Variants in TTYH1 observed in about 807,000 individuals in gnomAD.
The protein encoded by TTYH1 is tweety family member 1.
A neutral mutation model predicts 61.2 loss-of-function variants in TTYH1; 33 were observed. That is an observed-to-expected ratio of 0.54 (90% CI 0.41 to 0.72). The LOEUF is 0.72. Ranked by LOEUF, TTYH1 falls within the 30% of genes least tolerant of loss-of-function variation. The pLI is 0.00. For missense variants in TTYH1, 538 were observed against 575.8 expected, an observed-to-expected ratio of 0.93 and a Z score of 0.67; for synonymous variants, 308 against 266.4, an observed-to-expected ratio of 1.16 and a Z score of -1.52.
rs1179807800 is a variant in TTYH1 at position 54,431,110 on chromosome 19, G to A, written c.1044G>A (p.Leu348=). The A allele has an allele frequency of 6.2e-7, 1 of 1,613,630 alleles. No individual in the cohort carries two copies. Residue 348 remains leucine (L), a synonymous_variant, in exon 10 of 14, where the codon CTG becomes CTA. Coordinates refer to ENST00000376530, the MANE Select transcript of TTYH1 (RefSeq NM_020659.4). ...PQFPSAQKPL[L]SLEETLNVTE... The stretch of plus-strand genomic sequence containing the variant: ...TCCTCGCCCCGCAGAAGCCTCTGCT[G>A]TCCTTGGAGGAGACTCTGAATGTGA...
At position 54,425,755 on chromosome 19, in the gene TTYH1, G is replaced by A. The variant is rs184584201; in HGVS notation, c.639-918G>A. 2.2e-4 allele frequency among the ~76,000 whole-genome samples: 33 copies of A among 151,146 alleles called. No homozygotes were observed. In the East Asian group the frequency reaches 3.9e-3, roughly 18 times the overall value. On this transcript the variant is annotated intron_variant, in intron 4 of 13. Coordinates refer to ENST00000376530, the MANE Select transcript of TTYH1 (RefSeq NM_020659.4). ...TTTGAGACTAAGTCTCACTCTTGTCGCCCAGGCTGGAGTGCAGTGGTGCAA... is the reference window on the plus strand; with the variant it reads ...TTTGAGACTAAGTCTCACTCTTGTCACCCAGGCTGGAGTGCAGTGGTGCAA...
Position 54,429,819 on chromosome 19 carries a change from G to T in TTYH1, c.808-63G>T. 14 of 1,442,622 alleles carry T rather than the reference G, an allele frequency of 9.7e-6. No homozygotes were observed. The highest frequency in any genetic ancestry group is 1.4e-5 in the Non-Finnish European group (14 of 1,029,992). The allele number at this position is 1,442,622 out of a possible 1,614,324, so 89.4% of individuals were successfully genotyped here. On this transcript the variant is annotated intron_variant, in intron 6 of 13. Transcript: ENST00000376530. This position sits in a 1 kb window ranked among gnomAD's most constrained non-coding sequence, Gnocchi z 5.1. ...GGAGCTGGGGAGCCAGGCACTGGGT[G>T]CTGTGGGAGTGTGGAATCGGGGCAG... is the stretch of plus-strand genomic sequence containing the variant.
chr19:54,415,669 A>G lies in TTYH1; in HGVS notation c.117A>G (p.Glu39=). 6.4e-7 allele frequency: 1 copy of G among 1,560,390 alleles called. No individual in the cohort carries two copies. Among genetic ancestry groups the G allele is most frequent in the Non-Finnish European group, 8.6e-7 (1 of 1,160,946 alleles). ...VPSVFAPQEQ[E]YQQALLLVAA... is the part of the protein sequence containing the mutation. ...GCGTTTTCGCGCCCCAAGAGCAGGA[A>G]TACCAGCAGGTGGGACCGGGCGCCA... Residue 39 remains glutamate, a synonymous_variant, in exon 1 of 14, where the codon GAA becomes GAG. Coordinates refer to ENST00000376530, the MANE Select transcript of TTYH1 (RefSeq NM_020659.4). This position sits in a 1 kb window ranked among gnomAD's most constrained non-coding sequence, Gnocchi z 5.2.
chr19:54,420,344 G>A lies in TTYH1; in HGVS notation c.306-933G>A, dbSNP rs1215240135. Among the ~76,000 whole-genome samples, 1 of 152,196 alleles carries A rather than the reference G, an allele frequency of 6.6e-6. No individual in the cohort carries two copies. Among genetic ancestry groups the A allele is most frequent in the African/African-American group, 2.4e-5 (1 of 41,454 alleles). ...CTCCTCCGGCTCTCTGGCGTGGGGG[G>A]AGACAGGGGAGGTGGACAAAGGCCC... On this transcript the variant is annotated intron_variant, in intron 2 of 13. Coordinates refer to ENST00000376530, the MANE Select transcript of TTYH1 (RefSeq NM_020659.4). This position sits in a 1 kb window ranked among gnomAD's most constrained non-coding sequence, Gnocchi z 4.8.
In TTYH1 at chr19:54,421,138, C is replaced by T. The variant is rs959105152; in HGVS notation, c.306-139C>T. 6 of 638,038 alleles carry T rather than the reference C, an allele frequency of 9.4e-6. No homozygotes were observed. In the African/African-American group the frequency reaches 1.1e-4, roughly 11 times the overall value. The allele number at this position is 638,038 out of a possible 1,614,324, so 39.5% of individuals were successfully genotyped here. A position where few individuals can be genotyped will look rare whatever the true frequency, so the allele number is the denominator to read the frequency against. ...GGCCAGGCTGAAGTCGCCCTTTTCC[C>T]ACGGGCTGGCCCAATGAGGTGGGGC... is the stretch of plus-strand genomic sequence containing the variant. On this transcript the variant is annotated intron_variant, in intron 2 of 13. Coordinates refer to ENST00000376530, the MANE Select transcript of TTYH1 (RefSeq NM_020659.4). The surrounding 1 kb of genome is among the most constrained non-coding windows in gnomAD (Gnocchi z 4.8).
At chr19:54,431,308 CCT>C (rs1310429039) in intron 10 of TTYH1, 117 bp downstream of exon 10, 6 of 698,532 alleles carry the variant, frequency 8.6e-6, no homozygotes, top group Non-Finnish European at 1.3e-5. Flanking sequence ...ATCTCTGTAT[CCT>C]CTGTTTATAT....
chr19:54,433,302 A>G (rs2083476662), intron 10 of TTYH1: 1 of 152,302 alleles, frequency 6.6e-6, no homozygotes, highest in Non-Finnish European at 1.5e-5. Flanking sequence ...TCACGCCTGT[A>G]ATCCCAGCAC....
At chr19:54,418,976 C>A in intron 1 of TTYH1, 152 bp from the exon 2 acceptor site, 1 of 756,716 alleles carries the variant, frequency 1.3e-6, no homozygotes, top group Non-Finnish European at 2.1e-6. Context: ...CTGGGAGGGG[C>A]TGGGACCCAA....
chr19:54,420,446 G>A lies in TTYH1; in HGVS notation c.306-831G>A, dbSNP rs371658985. Among the ~76,000 whole-genome samples the A allele has an allele frequency of 1.4e-4, 22 of 152,230 alleles. No individual in the cohort carries two copies. The highest frequency in any genetic ancestry group is 3.9e-4 in the East Asian group (2 of 5,150). ...TTTGTAGGACTCTGAACAATGGGGC[G>A]GGGACACTGGGCGTCCGACCCGAGG... On this transcript the variant is annotated intron_variant, in intron 2 of 13. Transcript: ENST00000376530. The surrounding 1 kb of genome is among the most constrained non-coding windows in gnomAD (Gnocchi z 4.8).
In TTYH1 at chr19:54,416,011, G is replaced by C. The variant is rs1331502699; in HGVS notation, c.126+333G>C. The C allele has an allele frequency of 7.5e-7, 1 of 1,336,582 alleles. No individual in the cohort carries two copies. Among genetic ancestry groups the C allele is most frequent in the Non-Finnish European group, 9.9e-7 (1 of 1,010,172 alleles). The allele number at this position is 1,336,582 out of a possible 1,614,324, so 82.8% of individuals were successfully genotyped here. On this transcript the variant is annotated intron_variant, in intron 1 of 13. Coordinates refer to ENST00000376530, the MANE Select transcript of TTYH1 (RefSeq NM_020659.4). This position sits in a 1 kb window ranked among gnomAD's most constrained non-coding sequence, Gnocchi z 7.0. ...AGCCGGCCTCCAGGGTCATCGGGAG[G>C]GTAGGTCTACTCTTCCTGCCCTAAA...
Position 54,416,753 on chromosome 19 carries a change from C to G in TTYH1, c.126+1075C>G. On this transcript the variant is annotated intron_variant, in intron 1 of 13. Coordinates refer to ENST00000376530, the MANE Select transcript of TTYH1 (RefSeq NM_020659.4). This position sits in a 1 kb window ranked among gnomAD's most constrained non-coding sequence, Gnocchi z 7.0. ...CCGCCTGCTCCTCGCCGCCCCCTCTCCCCACACACGGGGACCGCCGTCCCC... is the reference window on the plus strand; with the variant it reads ...CCGCCTGCTCCTCGCCGCCCCCTCTGCCCACACACGGGGACCGCCGTCCCC... 7.7e-7 allele frequency: 1 copy of G among 1,292,042 alleles called. No individual in the cohort carries two copies. Among genetic ancestry groups the G allele is most frequent in the South Asian group, 1.2e-5 (1 of 80,968 alleles). The allele number at this position is 1,292,042 out of a possible 1,614,324, so 80.0% of individuals were successfully genotyped here.
Position 54,421,230 on chromosome 19 carries a change from G to A in TTYH1, c.306-47G>A, listed in dbSNP as rs368255826. Reference sequence around the variant, plus strand: ...GGGGTGGGAGGGGACGGTGGCCCCCGGGGTCCTGGGACCCGCTGAGATTCC... The same window carrying A: ...GGGGTGGGAGGGGACGGTGGCCCCCAGGGTCCTGGGACCCGCTGAGATTCC... On this transcript the variant is annotated intron_variant, in intron 2 of 13. Transcript: ENST00000376530. This position sits in a 1 kb window ranked among gnomAD's most constrained non-coding sequence, Gnocchi z 4.8. 3.8e-5 allele frequency: 50 copies of A among 1,323,934 alleles called. No homozygotes were observed. In the East Asian group the frequency reaches 6.0e-4, roughly 16 times the overall value. The allele number at this position is 1,323,934 out of a possible 1,614,324, so 82.0% of individuals were successfully genotyped here.
chr19:54,423,430 TTG>T (rs767538121), intron 4 of TTYH1, among the ~76,000 whole-genome samples: 1 of 152,104 alleles, frequency 6.6e-6, no homozygotes, highest in Non-Finnish European at 1.5e-5. Flanking sequence ...ACTCCTGACC[TTG>T]TGATCTGCCC....
At chr19:54,422,094 A>T in intron 3 of TTYH1, 96 bp from the exon 4 acceptor site, 1 of 978,862 alleles carries the variant, frequency 1.0e-6, no homozygotes, top group Non-Finnish European at 1.5e-6. Context: ...GACACCCGCT[A>T]CTATGCACCC....
At position 54,436,300 on chromosome 19, in the gene TTYH1, G is replaced by A. The variant is rs750168673; in HGVS notation, c.*43-33G>A. 1.2e-6 allele frequency: 2 copies of A among 1,614,022 alleles called. No individual in the cohort carries two copies. Among genetic ancestry groups the A allele is most frequent in the African/African-American group, 2.7e-5 (2 of 75,040 alleles). On this transcript the variant is annotated intron_variant, in intron 13 of 13. Coordinates refer to ENST00000376530, the MANE Select transcript of TTYH1 (RefSeq NM_020659.4). The surrounding 1 kb of genome is among the most constrained non-coding windows in gnomAD (Gnocchi z 4.3). ...TCGCACCGGGCAGGCCCTCCAGCCT[G>A]CATCACTGCCCTGTCTCTCCCTCTC...
At chr19:54,417,310 C>T (rs536644391) in intron 1 of TTYH1, among the ~76,000 whole-genome samples, 6 of 151,554 alleles carry the variant, frequency 4.0e-5, no homozygotes, top group Non-Finnish European at 7.4e-5. Flanking sequence ...CATGCACACT[C>T]ACATGCACAC....
Position 54,429,386 on chromosome 19 carries a change from G to T in TTYH1, c.807+7G>T. 6.2e-7 allele frequency: 1 copy of T among 1,613,452 alleles called. No individual in the cohort carries two copies. ...GGAGGCAGCCACGGCCGTGGTGAGT[G>T]CCAGGGCCGGGCCATTGGGCTCTGG... On this transcript the variant is annotated splice_region_variant and intron_variant, in intron 6 of 13. Coordinates refer to ENST00000376530, the MANE Select transcript of TTYH1 (RefSeq NM_020659.4). The surrounding 1 kb of genome is among the most constrained non-coding windows in gnomAD (Gnocchi z 5.1).
Position 54,419,221 on chromosome 19 carries a change from C to T in TTYH1, c.220C>T (p.Pro74Ser), listed in dbSNP as rs572583583. 103 of 1,609,636 alleles carry T rather than the reference C, an allele frequency of 6.4e-5. 1 individual carries two copies. The South Asian group carries it at 1.0e-3, about 16-fold the overall frequency. Residue 74 changes from proline (P) to serine (S), a missense_variant, in exon 2 of 14, where the codon CCC becomes TCC. This residue lies in a region of TTYH1 where 157 missense variants were observed against 157.0 expected (regional missense o/e 1.00). Transcript: ENST00000376530. The surrounding 1 kb of genome is among the most constrained non-coding windows in gnomAD (Gnocchi z 6.1). Reference protein sequence around the residue: ...VYLIRFCCCRPPEPPGSKIPS... With the variant: ...VYLIRFCCCRSPEPPGSKIPS... Reference sequence around the variant, plus strand: ...CCTCATCCGCTTCTGCTGCTGCCGGCCCCCCGAGCCCCCCGGGTCCAAGAT... The same window carrying T: ...CCTCATCCGCTTCTGCTGCTGCCGGTCCCCCGAGCCCCCCGGGTCCAAGAT...
At position 54,422,293 on chromosome 19, in the gene TTYH1, G is replaced by A. The variant is rs548838250; in HGVS notation, c.521G>A (p.Gly174Glu). 6.4e-7 allele frequency: 1 copy of A among 1,567,836 alleles called. No homozygotes were observed. The highest frequency in any genetic ancestry group is 1.2e-5 in the South Asian group (1 of 85,398). Residue 174 changes from glycine (G) to glutamate (E), a missense_variant, in exon 4 of 14, where the codon GGG (glycine) becomes GAG (glutamate). Gly to Glu is a moderately conservative substitution (Grantham distance 98). Transcript: ENST00000376530. ...ACGGAGCTGGTGGCTGCCGCCCGAGGGGCTCGACGGCAGGCGGAGGCTGCG... is the reference window on the plus strand; with the variant it reads ...ACGGAGCTGGTGGCTGCCGCCCGAGAGGCTCGACGGCAGGCGGAGGCTGCG... Reference protein sequence around the residue: ...PRTELVAAARGARRQAEAAAQ... With the variant: ...PRTELVAAAREARRQAEAAAQ...
Sources: gnomAD v4.1 joint callset for allele counts (sites outside exome capture counted in the v4.1 genomes callset) on GRCh38, gnomAD v4.1.1 for gene constraint, gnomAD v4.1.1 regional missense constraint, Gnocchi (gnomAD v3.1) non-coding constraint, MANE v1.5 for transcripts, NCBI Gene and HGNC (gene_info 2026-07-23, HGNC 2026-07-21) for gene names.